Variants in RASAL3 observed in about 807,000 individuals in gnomAD.
RASAL3 encodes RAS protein activator like-3.
Under a neutral mutation model 105.5 loss-of-function variants are expected in RASAL3, and 74 were observed. That is an observed-to-expected ratio of 0.70 (90% CI 0.58 to 0.85). The LOEUF (loss-of-function observed/expected upper bound fraction) is 0.85, where lower values mean the gene tolerates loss of function less well. RASAL3 is among the 40% of genes least tolerant of loss of function. RASAL3 has a pLI of 0.00. For synonymous variants in RASAL3, 579 were observed against 591.6 expected (o/e 0.98, Z 0.31); for missense variants, 1,352 against 1,392.0 (o/e 0.97, Z 0.46).
At position 15,452,678 on chromosome 19, in the gene RASAL3, C is replaced by G. The variant is rs1170646645; in HGVS notation, c.2808G>C (p.Leu936=). ...CTCACCCAGCACGGAGCCTGGAGTCCAGATCCTGCAGCTGGCCCCGCAGCT... is the reference window on the plus strand; with the variant it reads ...CTCACCCAGCACGGAGCCTGGAGTCGAGATCCTGCAGCTGGCCCCGCAGCT... ...QEQLRGQLQD[L]DSRLRAGSSE... Residue 936 remains leucine (L), a synonymous_variant, in exon 16 of 18, where the codon CTG becomes CTC. Transcript: ENST00000343625. 2.6e-6 allele frequency: 4 copies of G among 1,550,116 alleles called. No individual in the cohort carries two copies. The highest frequency in any genetic ancestry group is 3.5e-6 in the Non-Finnish European group (4 of 1,146,726).
rs976886326 is a variant in RASAL3, at chr19:15,457,845, G to T, written c.889-11C>A. ...CCGCTCCACGTTGTCCTGCAGATGG[G>T]AGTGGGATGGGGGGAAGCGTTTTGG... On this transcript the variant is annotated splice_polypyrimidine_tract_variant and intron_variant, in intron 8 of 17. Coordinates refer to ENST00000343625, the MANE Select transcript of RASAL3 (RefSeq NM_022904.3). This position sits in a 1 kb window ranked among gnomAD's most constrained non-coding sequence, Gnocchi z 8.6. The T allele has an allele frequency of 4.5e-6, 7 of 1,547,916 alleles. No homozygotes were observed. The Admixed American group carries it at 5.9e-5, about 13-fold the overall frequency.
In RASAL3 at chr19:15,453,182, C is replaced by T. The variant is rs763511038; in HGVS notation, c.2595G>A (p.Ser865=). The change falls in exon 15 of 18, where the codon TCG becomes TCA. Residue 865 remains serine (S), a synonymous_variant. Coordinates refer to ENST00000343625, the MANE Select transcript of RASAL3 (RefSeq NM_022904.3). This position sits in a 1 kb window ranked among gnomAD's most constrained non-coding sequence, Gnocchi z 4.2. ...RDSASLPRKP[S]VPWQRQMDQP... The stretch of plus-strand genomic sequence containing the variant: ...GGTCCATTTGGCGCTGCCAGGGTAC[C>T]GACGGCTTCCGAGGCAGCGAGGCGG... The T allele has an allele frequency of 6.2e-7, 1 of 1,612,382 alleles. No homozygotes were observed. The highest frequency in any genetic ancestry group is 1.3e-5 in the African/African-American group (1 of 74,902).
chr19:15,458,260 T>C (rs1330806811), intron 8 of RASAL3, 68 bp downstream of exon 8: 1 of 1,460,432 alleles, frequency 6.8e-7, no homozygotes, highest in African/African-American at 1.4e-5. Flanking sequence ...TGGCTTTGGG[T>C]AGAGTGGAAG....
chr19:15,460,328 TC>T, intron 5 of RASAL3, 70 bp from the exon 6 acceptor site: 2 of 1,436,978 alleles, frequency 1.4e-6, no homozygotes, highest in Non-Finnish European at 1.9e-6. Flanking sequence ...TCCCAAGACA[TC>T]CCAGAGGATC....
rs374303757 is a variant in RASAL3 at position 15,461,350 on chromosome 19, G to A, written c.466-54C>T. The A allele has an allele frequency of 2.1e-4, 330 of 1,574,318 alleles. 2 individuals are homozygous for A. Among genetic ancestry groups the A allele is most frequent in the Non-Finnish European group, 2.3e-4 (267 of 1,154,080 alleles). On this transcript the variant is annotated intron_variant, in intron 3 of 17. Transcript: ENST00000343625. ...AGAGGGGAGGCAGGCAGGCAGGCAGGCAGGCAGACCGAGGGAGAGGCAGAC... is the reference window on the plus strand; with the variant it reads ...AGAGGGGAGGCAGGCAGGCAGGCAGACAGGCAGACCGAGGGAGAGGCAGAC...
chr19:15,461,543 G>T lies in RASAL3; in HGVS notation c.393C>A (p.Asn131Lys). ...AGCCCCCAATGTCCCAGACAGGCACGTTGGGTGTGGGGGCCTCAGGGATCT... is the reference window on the plus strand; with the variant it reads ...AGCCCCCAATGTCCCAGACAGGCACTTTGGGTGTGGGGGCCTCAGGGATCT... ...TPQIPEAPTP[N>K]VPVWDIGGFT... The change falls in exon 3 of 18, where the codon AAC becomes AAA. Residue 131 changes from asparagine to lysine, a missense_variant. Asn to Lys is a moderately conservative substitution (Grantham distance 94). Transcript: ENST00000343625. 2 of 1,536,536 alleles carry T rather than the reference G, an allele frequency of 1.3e-6. No individual in the cohort carries two copies. The highest frequency in any genetic ancestry group is 1.2e-5 in the South Asian group (1 of 81,308).
Position 15,457,639 on chromosome 19 carries a change from G to A in RASAL3, c.1084C>T (p.Pro362Ser). 1 of 1,416,174 alleles carries A rather than the reference G, an allele frequency of 7.1e-7. No individual in the cohort carries two copies. Among genetic ancestry groups the A allele is most frequent in the Non-Finnish European group, 9.2e-7 (1 of 1,084,722 alleles). 87.7% of individuals were successfully genotyped at this position (1,416,174 alleles called of 1,614,324 possible). A position where few individuals can be genotyped will look rare whatever the true frequency, so the allele number is the denominator to read the frequency against. The change falls in exon 9 of 18, where the codon CCG (proline) becomes TCG (serine). Residue 362 changes from proline to serine, a missense_variant. Around this residue, in one of 3 missense-constraint regions of RASAL3, gnomAD observed 920 missense variants for 919.6 expected, o/e 1.00. Coordinates refer to ENST00000343625, the MANE Select transcript of RASAL3 (RefSeq NM_022904.3). The surrounding 1 kb of genome is among the most constrained non-coding windows in gnomAD (Gnocchi z 8.6). ...AERFHFEALP[P>S]ARRLSLRLRG... ...AGCCGCAGCGACAGGCGACGTGCCG[G>A]TGGCAGCGCCTCGAAGTGGAAGCGC... is the stretch of plus-strand genomic sequence containing the variant.
At chr19:15,460,477 G>T (rs1356792828) in intron 5 of RASAL3, among the ~76,000 whole-genome samples, 1 of 152,110 alleles carries the variant, frequency 6.6e-6, no homozygotes, top group Non-Finnish European at 1.5e-5. Flanking sequence ...GAGTACAGTG[G>T]TGCGATCATG....
In RASAL3 at chr19:15,458,437, G is replaced by T; in HGVS notation, c.790-11C>A. On this transcript the variant is annotated splice_polypyrimidine_tract_variant and intron_variant, in intron 7 of 17. Transcript: ENST00000343625. The stretch of plus-strand genomic sequence containing the variant: ...ACCCGTCCAGGTTACCTGTTGGGAT[G>T]GAGAATCCAACGGTGTGATCGAGGC... 1 of 1,613,528 alleles carries T rather than the reference G, an allele frequency of 6.2e-7. No homozygotes were observed. The highest frequency in any genetic ancestry group is 1.1e-5 in the South Asian group (1 of 91,008).
At position 15,454,237 on chromosome 19, in the gene RASAL3, T is replaced by G; in HGVS notation, c.2191A>C (p.Thr731Pro). Reference protein sequence around the residue: ...TTRDTLEPLPTILRAIEEGQP... With the variant: ...TTRDTLEPLPPILRAIEEGQP... ...CCCTCCTCAATGGCTCGCAGGATGG[T>G]GGGCAGTGGTTCCAGGGTGTCTCGG... The change falls in exon 14 of 18, where the codon ACC becomes CCC. Residue 731 changes from threonine to proline, a missense_variant. Physicochemically the swap from Thr to Pro is conservative, Grantham distance 38. This residue lies in a region of RASAL3 where 920 missense variants were observed against 919.6 expected (regional missense o/e 1.00). Transcript: ENST00000343625. The G allele has an allele frequency of 6.4e-7, 1 of 1,565,080 alleles. No homozygotes were observed. The highest frequency in any genetic ancestry group is 1.2e-5 in the South Asian group (1 of 85,194).
chr19:15,461,379 TTCCCATTATCC>T (rs1468942375), intron 3 of RASAL3, 81 bp downstream of exon 3: 9 of 1,525,624 alleles, frequency 5.9e-6, no homozygotes, highest in Non-Finnish European at 8.0e-6. Flanking sequence ...GGCAGACACC[TTCCCATTATCC>T]TCCCTCCAGC....
At position 15,453,601 on chromosome 19, in the gene RASAL3, C is replaced by G; in HGVS notation, c.2280-104G>C. ...CACCCCCCACGTGAACTTGTCCTTT[C>G]TTTTTTTTTTTTGAGACAAGGTCTT... is the stretch of plus-strand genomic sequence containing the variant. On this transcript the variant is annotated intron_variant, in intron 14 of 17. Transcript: ENST00000343625. This position sits in a 1 kb window ranked among gnomAD's most constrained non-coding sequence, Gnocchi z 4.2. 3 of 967,004 alleles carry G rather than the reference C, an allele frequency of 3.1e-6. No homozygotes were observed. The highest frequency in any genetic ancestry group is 4.2e-6 in the Non-Finnish European group (3 of 719,352). 59.9% of individuals were successfully genotyped at this position (967,004 alleles called of 1,614,324 possible). A position where few individuals can be genotyped will look rare whatever the true frequency, so the allele number is the denominator to read the frequency against.
Position 15,457,738 on chromosome 19 carries a change from C to T in RASAL3, c.985G>A (p.Glu329Lys). Residue 329 changes from glutamate to lysine, a missense_variant, in exon 9 of 18, where the codon GAG becomes AAG. This residue lies in a region of RASAL3 where 88 missense variants were observed against 132.7 expected (regional missense o/e 0.66). Transcript: ENST00000343625. This position sits in a 1 kb window ranked among gnomAD's most constrained non-coding sequence, Gnocchi z 8.6. ...AAAGAPGVRA[E>K]LWLDGALLAR... ...AGCAGCGCGCCATCCAGCCACAGCT[C>T]GGCGCGCACGCCGGGTGCCCCCGCC... The T allele has an allele frequency of 1.3e-6, 2 of 1,539,070 alleles. No homozygotes were observed. The highest frequency in any genetic ancestry group is 1.8e-6 in the Non-Finnish European group (2 of 1,142,532).
chr19:15,458,664 G>A lies in RASAL3; in HGVS notation c.663-9C>T. On this transcript the variant is annotated splice_polypyrimidine_tract_variant and intron_variant, in intron 6 of 17. Transcript: ENST00000343625. ...CCAGAGCACTGGGGGGTCTGGGAAGGGGGTGGGTGAGCACACCGTCATTCC... is the reference window on the plus strand; with the variant it reads ...CCAGAGCACTGGGGGGTCTGGGAAGAGGGTGGGTGAGCACACCGTCATTCC... The A allele has an allele frequency of 1.2e-6, 2 of 1,611,806 alleles. No homozygotes were observed. Among genetic ancestry groups the A allele is most frequent in the South Asian group, 1.1e-5 (1 of 90,630 alleles).
In RASAL3 at chr19:15,464,083, C is replaced by T. The variant is rs115409521; in HGVS notation, c.276G>A (p.Arg92=). The T allele has an allele frequency of 4.8e-4, 761 of 1,601,176 alleles. 3 individuals are homozygous for T. In the African/African-American group the frequency reaches 9.2e-3, roughly 19 times the overall value. The stretch of plus-strand genomic sequence containing the variant: ...CTGGCTCCGGCGGTGGGTTCTTATG[C>T]CTCCCCCAGAGGGCCTTGGAGAGTC... ...RLRLSKALWG[R]HKNPPPEPDP... Residue 92 remains arginine (R), a synonymous_variant, in exon 2 of 18, where the codon AGG becomes AGA. Coordinates refer to ENST00000343625, the MANE Select transcript of RASAL3 (RefSeq NM_022904.3).
In RASAL3 at chr19:15,461,050, G is replaced by A. The variant is rs1970490666; in HGVS notation, c.606+10C>T. 6.2e-6 allele frequency: 10 copies of A among 1,613,350 alleles called. No individual in the cohort carries two copies. The highest frequency in any genetic ancestry group is 8.5e-6 in the Non-Finnish European group (10 of 1,179,480). The stretch of plus-strand genomic sequence containing the variant: ...TCCCCTCTACCTCCCACCTTCACTG[G>A]CTGCCTTACCCGAACGTTGTGGACC... On this transcript the variant is annotated intron_variant, in intron 5 of 17. Coordinates refer to ENST00000343625, the MANE Select transcript of RASAL3 (RefSeq NM_022904.3).
rs578218309 is a variant in RASAL3 at position 15,461,205 on chromosome 19, C to T, written c.544+13G>A. On this transcript the variant is annotated intron_variant, in intron 4 of 17. Transcript: ENST00000343625. ...TCCCAAATGCCCCAGGCCTTTCCAC[C>T]CCTCAAGCTTACCTGGATCCCTGAA... is the stretch of plus-strand genomic sequence containing the variant. 1.4e-5 allele frequency: 23 copies of T among 1,613,694 alleles called. No individual in the cohort carries two copies. The Admixed American group carries it at 3.5e-4, about 25-fold the overall frequency.
Position 15,453,588 on chromosome 19 carries a change from G to A in RASAL3, c.2280-91C>T. ...CCAGAAGTGACCTCACCCCCCACGT[G>A]AACTTGTCCTTTCTTTTTTTTTTTT... On this transcript the variant is annotated intron_variant, in intron 14 of 17. Transcript: ENST00000343625. The surrounding 1 kb of genome is among the most constrained non-coding windows in gnomAD (Gnocchi z 4.2). 7.8e-7 allele frequency: 1 copy of A among 1,281,338 alleles called. No individual in the cohort carries two copies. Among genetic ancestry groups the A allele is most frequent in the Non-Finnish European group, 1.0e-6 (1 of 974,598 alleles). 79.4% of individuals were successfully genotyped at this position (1,281,338 alleles called of 1,614,324 possible). A position where few individuals can be genotyped will look rare whatever the true frequency, so the allele number is the denominator to read the frequency against.
In RASAL3 at chr19:15,458,296, T is replaced by C. The variant is rs776905611; in HGVS notation, c.888+32A>G. 4 of 1,585,120 alleles carry C rather than the reference T, an allele frequency of 2.5e-6. No individual in the cohort carries two copies. In the African/African-American group the frequency reaches 4.1e-5, roughly 16 times the overall value. ...GGGCGGGCCAGGCCTGTGGGCGGGGTCTCCGTGTCCCGCTTTTCTGAGGGC... is the reference window on the plus strand; with the variant it reads ...GGGCGGGCCAGGCCTGTGGGCGGGGCCTCCGTGTCCCGCTTTTCTGAGGGC... On this transcript the variant is annotated intron_variant, in intron 8 of 17. Transcript: ENST00000343625.
Sources: allele counts gnomAD v4.1 joint callset (sites outside exome capture counted in the v4.1 genomes callset), GRCh38; gene constraint gnomAD v4.1.1; regional missense constraint gnomAD v4.1.1; non-coding constraint Gnocchi (gnomAD v3.1); transcripts MANE v1.5; gene names NCBI Gene and HGNC (gene_info 2026-07-23, HGNC 2026-07-21).